Variants in LINGO2 observed in about 807,000 individuals in gnomAD.
LINGO2 encodes the protein leucine-rich repeat and immunoglobulin-like domain-containing nogo receptor-interacting protein 2.
In LINGO2, 14 loss-of-function variants were observed where a neutral mutation model predicts 30.6. The ratio of observed to expected loss-of-function variants is 0.46; its 90% CI spans 0.30 to 0.72. LINGO2 has a LOEUF of 0.72. LINGO2 is among the 30% of genes least tolerant of loss of function. The pLI, the probability that LINGO2 is intolerant of heterozygous loss-of-function variation, is 0.07. For missense variants in LINGO2, 729 were observed against 751.7 expected (o/e 0.97, Z 0.35); for synonymous variants, 317 against 288.5 (o/e 1.10, Z -1.00).
chr9:28,161,708 G>C (rs949904851), intron 4 of LINGO2, among the ~76,000 whole-genome samples: 1 of 151,956 alleles, frequency 6.6e-6, no homozygotes, highest in Admixed American at 6.6e-5. Flanking sequence ...GCAGAATTCA[G>C]TCACCTATAA....
At chr9:28,728,444 TAAG>T in the LINGO2 span, among the ~76,000 whole-genome samples, 1 of 149,364 alleles carries the variant, frequency 6.7e-6, no homozygotes, top group African/African-American at 2.5e-5. Context: ...AAACCACAGA[TAAG>T]AAGTAAATGA....
intron 1 of LINGO2, among the ~76,000 whole-genome samples, chr9:28,555,427 C>G (rs973181139): frequency 4.6e-5 from 7 of 151,382 alleles, no homozygotes; most frequent in African/African-American, 1.5e-4. Context: ...GACACATACA[C>G]TCTCCCAAGA....
the LINGO2 span, among the ~76,000 whole-genome samples, chr9:29,095,778 C>T: frequency 5.1e-5 from 7 of 138,290 alleles, no homozygotes; most frequent in African/African-American, 1.1e-4. Flanking sequence ...CATGCAGATT[C>T]GGTTTCCTGA....
At position 28,659,211 on chromosome 9, in the gene LINGO2, G is replaced by C. The variant is rs531642867; in HGVS notation, c.-365+10989C>G. On this transcript the variant is annotated intron_variant, in intron 1 of 5. Transcript: ENST00000379992. ...AGAAAAGAAGACTGAAAAATGAATAGAGGTAATATACAGATAGACACTCAC... is the reference window on the plus strand; with the variant it reads ...AGAAAAGAAGACTGAAAAATGAATACAGGTAATATACAGATAGACACTCAC... Among the ~76,000 whole-genome samples the C allele has an allele frequency of 5.9e-5, 9 of 152,092 alleles. No individual in the cohort carries two copies. The South Asian group carries it at 1.9e-3, about 32-fold the overall frequency.
At chr9:28,383,337 C>A (rs1821435525) in intron 2 of LINGO2, among the ~76,000 whole-genome samples, 1 of 151,340 alleles carries the variant, frequency 6.6e-6, no homozygotes, top group Non-Finnish European at 1.5e-5. Flanking sequence ...TGTATATAGT[C>A]CCTCTCTATC....
intron 2 of LINGO2, among the ~76,000 whole-genome samples, chr9:28,386,632 C>A (rs985022181): frequency 9.2e-5 from 14 of 152,110 alleles, no homozygotes; most frequent in Non-Finnish European, 1.8e-4. Flanking sequence ...TTGCTTACCT[C>A]AATTAACAGA....
At chr9:27,991,010 C>T (rs1209764404) in intron 5 of LINGO2, among the ~76,000 whole-genome samples, 1 of 151,920 alleles carries the variant, frequency 6.6e-6, no homozygotes, top group African/African-American at 2.4e-5. Flanking sequence ...TAAGTCTTAC[C>T]AAATACAGCT....
At chr9:28,315,214 C>T (rs144077932) in intron 3 of LINGO2, among the ~76,000 whole-genome samples, 3,079 of 151,642 alleles carry the variant, frequency 0.02, 61 homozygotes, top group African/African-American at 0.051. Flanking sequence ...ACGAGCCTGC[C>T]CAAAATGGTG....
chr9:27,983,868 T>C lies in LINGO2; in HGVS notation c.-36+28487A>G, dbSNP rs191506861. 4.2e-4 allele frequency among the ~76,000 whole-genome samples: 64 copies of C among 152,048 alleles called. No individual in the cohort carries two copies. In the East Asian group the frequency reaches 0.012, roughly 29 times the overall value. On this transcript the variant is annotated intron_variant, in intron 5 of 5. Coordinates refer to ENST00000379992, the Ensembl canonical transcript of LINGO2. ...TTGAGTTATCCCAGAGTTTTTTCTCTGCTTTCCTACCAGAAATTTCTGGCA... is the reference window on the plus strand; with the variant it reads ...TTGAGTTATCCCAGAGTTTTTTCTCCGCTTTCCTACCAGAAATTTCTGGCA...
At chr9:28,606,658 A>T (rs1445424846) in intron 1 of LINGO2, among the ~76,000 whole-genome samples, 1 of 152,036 alleles carries the variant, frequency 6.6e-6, no homozygotes, top group Non-Finnish European at 1.5e-5. Flanking sequence ...AACAAGATAT[A>T]TTGTTCAGCA....
intron 4 of LINGO2, among the ~76,000 whole-genome samples, chr9:28,184,972 ATCT>A: frequency 6.6e-6 from 1 of 152,236 alleles, no homozygotes; most frequent in South Asian, 2.1e-4. Flanking sequence ...ACAAAAAAAA[ATCT>A]TCTTCCAAAA....
chr9:28,023,855 A>AT (rs1045726527), intron 4 of LINGO2, among the ~76,000 whole-genome samples: 3 of 152,074 alleles, frequency 2.0e-5, no homozygotes, highest in African/African-American at 7.2e-5. Flanking sequence ...CCACACAGGA[A>AT]TTTTTTCCTT....
At chr9:28,251,993 T>C (rs1044499496) in intron 4 of LINGO2, among the ~76,000 whole-genome samples, 1 of 152,146 alleles carries the variant, frequency 6.6e-6, no homozygotes, top group Admixed American at 6.6e-5. Flanking sequence ...CTATGTGACG[T>C]TGGCCAATTT....
chr9:28,972,019 C>T, the LINGO2 span, among the ~76,000 whole-genome samples: 7 of 152,330 alleles, frequency 4.6e-5, no homozygotes, highest in South Asian at 1.0e-3. Flanking sequence ...ATCCAGAGAA[C>T]TCTCCCGAAT....
Position 28,189,719 on chromosome 9 carries a change from G to A in LINGO2, c.-87+105489C>T, listed in dbSNP as rs559283719. On this transcript the variant is annotated intron_variant, in intron 4 of 5. Coordinates refer to ENST00000379992, the Ensembl canonical transcript of LINGO2. ...AGGGAGGGAGGAAGGAAGGAAGGAA[G>A]GAAGGTTGGTTCAAAAGATGATGAA... Among the ~76,000 whole-genome samples the A allele has an allele frequency of 2.7e-5, 4 of 150,870 alleles. No individual in the cohort carries two copies. The South Asian group carries it at 6.3e-4, about 24-fold the overall frequency.
At chr9:28,984,763 T>C in the LINGO2 span, among the ~76,000 whole-genome samples, 1 of 152,140 alleles carries the variant, frequency 6.6e-6, no homozygotes, top group Non-Finnish European at 1.5e-5. Context: ...TAATTACATA[T>C]TCACGGGATA....
chr9:28,443,475 G>A (rs1026322248), intron 2 of LINGO2, among the ~76,000 whole-genome samples: 15 of 152,196 alleles, frequency 9.9e-5, no homozygotes, highest in African/African-American at 2.2e-4. Flanking sequence ...CTAGACTCAC[G>A]CATCCTTGTG....
At chr9:28,172,468 C>T (rs1038220907) in intron 4 of LINGO2, among the ~76,000 whole-genome samples, 3 of 152,030 alleles carry the variant, frequency 2.0e-5, no homozygotes, top group South Asian at 2.1e-4. Context: ...CACCTAAGAA[C>T]CCTACATAGA....
chr9:29,072,464 G>C, the LINGO2 span, among the ~76,000 whole-genome samples: 30,790 of 151,336 alleles, frequency 0.2, 3,349 homozygotes, highest in East Asian at 0.34. Context: ...ATATATTTAG[G>C]ATACATGAAC....
Sources: allele counts gnomAD v4.1 joint callset (sites outside exome capture counted in the v4.1 genomes callset), GRCh38; gene constraint gnomAD v4.1.1; transcripts MANE v1.5; gene names NCBI Gene and HGNC (gene_info 2026-07-23, HGNC 2026-07-21).